The following ZNF185 variants were observed in gnomAD, a reference collection of about 807,000 sequenced individuals.
ZNF185 encodes the protein zinc finger protein 185 with LIM domain, also known as zinc finger protein 185.
Under a neutral mutation model 58.6 loss-of-function variants are expected in ZNF185, and 56 were observed. The observed-to-expected ratio is 0.95, with a 90% CI of 0.77 to 1.19. ZNF185 has a LOEUF of 1.19. Among genes scored for constraint, ZNF185 ranks in the 50% most tolerant of loss-of-function variants. The pLI is 0.00. For synonymous variants in ZNF185, 230 were observed against 215.9 expected, an observed-to-expected ratio of 1.07 and a Z score of -0.57; for missense variants, 627 against 573.5, an observed-to-expected ratio of 1.09 and a Z score of -0.95.
upstream of ZNF185, among the ~76,000 whole-genome samples, chrX:152,909,904 CTTTT>C (rs1223634856): frequency 5.5e-5 from 5 of 90,238 alleles, no homozygotes; most frequent in African/African-American, 2.3e-4. Context: ...GGCATCAACT[CTTTT>C]TTTTTTTTTT....
chrX:152,963,916 C>A, exon 18 of ZNF185: 1 of 1,211,518 alleles, frequency 8.3e-7, no homozygotes, highest in Non-Finnish European at 1.1e-6. Flanking sequence ...TATATTCCAG[C>A]CCCCGCAAGT....
At chrX:152,960,175 C>G (rs2049313252) in intron 17 of ZNF185, among the ~76,000 whole-genome samples, 1 of 112,056 alleles carries the variant, frequency 8.9e-6, no homozygotes, top group Non-Finnish European at 1.9e-5. Context: ...ACCTGGAAAC[C>G]TGGGTCAGGG....
intron 14 of ZNF185, among the ~76,000 whole-genome samples, chrX:152,933,501 C>T (rs1415476561): frequency 8.9e-6 from 1 of 112,166 alleles, no homozygotes; most frequent in Admixed American, 9.4e-5. Context: ...GCGTGTCCAG[C>T]TGGGCTCTGG....
At chrX:152,945,899 CAGAG>C (rs1286256142) in intron 16 of ZNF185, among the ~76,000 whole-genome samples, 3 of 111,041 alleles carry the variant, frequency 2.7e-5, no homozygotes, top group Non-Finnish European at 5.7e-5. Flanking sequence ...CAGAGTGAAG[CAGAG>C]AGAGAGAGGC....
intron 11 of ZNF185, among the ~76,000 whole-genome samples, chrX:152,923,681 C>T (rs2086516409): frequency 8.9e-6 from 1 of 112,246 alleles, no homozygotes; most frequent in South Asian, 3.7e-4. Context: ...ACCGGATTCT[C>T]ATAAGGAGCG....
At position 152,945,456 on chromosome X, in the gene ZNF185, T is replaced by C. The variant is rs2047688678; in HGVS notation, c.1401T>C (p.Cys467=). The change falls in exon 16 of 23, where the codon TGT becomes TGC. Residue 467 remains cysteine, a synonymous_variant. Coordinates refer to ENST00000449285, the Ensembl canonical transcript of ZNF185. ...AGCAACTTGTCAGACGAGAGAGTTG[T>C]GGCAGCAGGTAAGGGCTGAGCTGCA... 6.7e-6 allele frequency: 8 copies of C among 1,198,346 alleles called. No homozygotes were observed. In the African/African-American group the frequency reaches 1.0e-4, roughly 16 times the overall value.
intron 16 of ZNF185, 106 bp from the exon 19 acceptor site, chrX:152,959,593 A>G (rs1264547992): frequency 7.8e-6 from 7 of 900,688 alleles, no homozygotes; most frequent in Non-Finnish European, 1.1e-5. Flanking sequence ...TCTTGGGGAG[A>G]TGAGTCCCTC....
In ZNF185 at chrX:152,915,162, C is replaced by T. The variant is rs373629130; in HGVS notation, c.183C>T (p.Arg61=). The T allele has an allele frequency of 3.8e-5, 46 of 1,208,866 alleles. No individual in the cohort carries two copies. The highest frequency in any genetic ancestry group is 2.1e-4 in the East Asian group (7 of 33,736). Residue 61 remains arginine (R), a synonymous_variant, in exon 3 of 23, where the codon CGC becomes CGT. Coordinates refer to ENST00000449285, the Ensembl canonical transcript of ZNF185. ...GAGAGCTGCCCTCAGGCCGGAGTCG[C>T]GCCACATCCTTTTCATCAGCTGGGG...
At chrX:152,917,955 G>C in intron 5 of ZNF185, 110 bp from the exon 7 acceptor site, 12 of 1,128,736 alleles carry the variant, frequency 1.1e-5, no homozygotes, top group South Asian at 6.4e-5. Flanking sequence ...AAGAGGAAAG[G>C]CTCCCAGGCA....
rs1440300408 is a variant in ZNF185, at chrX:152,969,419, A to G, written c.1909A>G (p.Ile637Val). 8.3e-7 allele frequency: 1 copy of G among 1,207,429 alleles called. No homozygotes were observed. The highest frequency in any genetic ancestry group is 1.7e-5 in the African/African-American group (1 of 57,202). The change falls in exon 21 of 23, where the codon ATC (isoleucine) becomes GTC (valine). Residue 637 changes from isoleucine (I) to valine (V), a missense_variant. Transcript: ENST00000449285. Reference sequence around the variant, plus strand: ...GATCTGTACTTACTGCAACCGTGAGATCCGAGACTGTCCAAAGATTACCCT... The same window carrying G: ...GATCTGTACTTACTGCAACCGTGAGGTCCGAGACTGTCCAAAGATTACCCT...
intron 5 of ZNF185, 56 bp from the exon 7 acceptor site, chrX:152,918,009 A>G (rs1010783285): frequency 1.7e-6 from 2 of 1,165,733 alleles, no homozygotes; most frequent in African/African-American, 3.5e-5. Context: ...TGTGTGGCCA[A>G]ATCTGGAGGC....
intron 14 of ZNF185, among the ~76,000 whole-genome samples, chrX:152,933,205 T>A (rs782119439): frequency 8.0e-5 from 9 of 112,703 alleles, no homozygotes; most frequent in African/African-American, 2.9e-4. Flanking sequence ...TCCTCCAGAG[T>A]AGGCACTAGG....
intron 16 of ZNF185, among the ~76,000 whole-genome samples, chrX:152,950,694 G>T (rs1007515852): frequency 1.8e-5 from 2 of 111,625 alleles, no homozygotes; most frequent in East Asian, 5.6e-4. Context: ...TTTTCCAGAA[G>T]GTCCCTGGCA....
chrX:152,941,785 CG>C, intron 15 of ZNF185: 3 of 1,164,000 alleles, frequency 2.6e-6, no homozygotes, highest in Non-Finnish European at 3.4e-6. Flanking sequence ...AGAGGTCGCC[CG>C]AGGATCACGA....
At chrX:152,914,392 G>A, upstream of ZNF185, 1 of 832,337 alleles carries the variant, frequency 1.2e-6, no homozygotes, top group Non-Finnish European at 1.7e-6. Flanking sequence ...ATGGTCACCT[G>A]CAAGACACTA....
the ZNF185 span, among the ~76,000 whole-genome samples, chrX:152,900,175 G>T: frequency 8.9e-6 from 1 of 112,277 alleles, no homozygotes; most frequent in African/African-American, 3.2e-5. Flanking sequence ...GGCCTCCTGA[G>T]ATCTGGCAGG....
chrX:152,929,258 G>A (rs1841337868), intron 12 of ZNF185, among the ~76,000 whole-genome samples: 1 of 105,550 alleles, frequency 9.5e-6, no homozygotes, highest in South Asian at 4.1e-4. Context: ...CAGGGAGCAC[G>A]AGGGGCTCAG....
intron 14 of ZNF185, among the ~76,000 whole-genome samples, chrX:152,934,762 C>T (rs944354900): frequency 4.5e-5 from 5 of 112,141 alleles, no homozygotes; most frequent in Non-Finnish European, 7.5e-5. Context: ...TGTACATGGT[C>T]AGTACAGATG....
At chrX:152,917,054 T>TA in intron 3 of ZNF185, 77 bp from the exon 5 acceptor site, 1 of 1,179,842 alleles carries the variant, frequency 8.5e-7, no homozygotes, top group Non-Finnish European at 1.2e-6. Flanking sequence ...TTGCTATCGT[T>TA]AAGGGCAGGA....
Sources: allele counts gnomAD v4.1 joint callset (sites outside exome capture counted in the v4.1 genomes callset), GRCh38; gene constraint gnomAD v4.1.1; transcripts MANE v1.5; gene names NCBI Gene and HGNC (gene_info 2026-07-23, HGNC 2026-07-21).